Variants in ERI1 observed in about 807,000 individuals in gnomAD.
The protein encoded by ERI1 is exoribonuclease 1, also known as 3'-5' exoribonuclease 1.
Under a neutral mutation model 39.7 loss-of-function variants are expected in ERI1, and 39 were observed. That is an observed-to-expected ratio of 0.98 (90% CI 0.76 to 1.28). The LOEUF is 1.28. ERI1 is among the 50% of genes most tolerant of loss of function. The probability of loss-of-function intolerance (pLI) is 0.00; values close to 1 mark genes in which losing one functional copy is unlikely to be tolerated. For missense variants in ERI1, 581 were observed against 416.9 expected (o/e 1.39, Z -3.43); for synonymous variants, 204 against 149.6 (o/e 1.36, Z -2.65).
intron 5 of ERI1, among the ~76,000 whole-genome samples, chr8:9,018,692 C>G (rs987948070): frequency 6.6e-6 from 1 of 152,184 alleles, no homozygotes; most frequent in Non-Finnish European, 1.5e-5. Flanking sequence ...CAAAAAAGTT[C>G]AGACTCTTGA....
Position 9,024,761 on chromosome 8 carries a change from A to G in ERI1, c.807+4297A>G, listed in dbSNP as rs1159272595. Among the ~76,000 whole-genome samples the G allele has an allele frequency of 1.3e-5, 2 of 152,126 alleles. 1 individual carries two copies. Among genetic ancestry groups the G allele is most frequent in the Non-Finnish European group, 2.9e-5 (2 of 68,018 alleles). On this transcript the variant is annotated intron_variant, in intron 6 of 6. Transcript: ENST00000250263. The stretch of plus-strand genomic sequence containing the variant: ...TTATAGGCCTATGTATATGCATTAC[A>G]ATGCTGTTGTTGAAGTAAAAGGAAA...
At chr8:9,024,560 A>G (rs893396030) in intron 6 of ERI1, among the ~76,000 whole-genome samples, 16 of 152,050 alleles carry the variant, frequency 1.1e-4, no homozygotes, top group African/African-American at 3.9e-4. Flanking sequence ...AGCTGAGATT[A>G]CAGGTGCCTC....
intron 3 of ERI1, among the ~76,000 whole-genome samples, chr8:9,044,836 C>T (rs1287816119): frequency 6.6e-6 from 1 of 152,088 alleles, no homozygotes; most frequent in Non-Finnish European, 1.5e-5. Context: ...TGACTCTCAC[C>T]CTGACCTGCC....
chr8:9,014,792 C>T (rs189427451), intron 3 of ERI1, among the ~76,000 whole-genome samples: 250 of 152,114 alleles, frequency 1.6e-3, no homozygotes, highest in Middle Eastern at 3.4e-3. Flanking sequence ...GCAGTGTATC[C>T]GGTAAGAGTG....
chr8:9,021,310 T>G (rs1817868047), intron 6 of ERI1, among the ~76,000 whole-genome samples: 1 of 152,226 alleles, frequency 6.6e-6, no homozygotes, highest in Non-Finnish European at 1.5e-5. Context: ...CAGACTATCT[T>G]CCTGGAGCCT....
intron 1 of ERI1, among the ~76,000 whole-genome samples, chr8:9,007,223 C>A (rs1316041038): frequency 1.3e-5 from 2 of 152,118 alleles, no homozygotes; most frequent in East Asian, 3.9e-4. Flanking sequence ...GTTAGTGGAC[C>A]TAAGTACAAC....
At chr8:9,016,513 C>A (rs1020835536) in intron 4 of ERI1, 108 bp downstream of exon 4, 1 of 493,100 alleles carries the variant, frequency 2.0e-6, no homozygotes, top group Non-Finnish European at 3.4e-6. Flanking sequence ...CAATTTAATA[C>A]CTTGCTTGGT....
chr8:9,054,731 G>C (rs745604307), intron 3 of ERI1, among the ~76,000 whole-genome samples: 15 of 152,186 alleles, frequency 9.9e-5, no homozygotes, highest in Non-Finnish European at 1.8e-4. Context: ...TTGAGATCAG[G>C]CTGGCCAACA....
At chr8:9,004,660 T>C (rs1263706668) in intron 1 of ERI1, among the ~76,000 whole-genome samples, 1 of 151,234 alleles carries the variant, frequency 6.6e-6, no homozygotes, top group African/African-American at 2.4e-5. Flanking sequence ...TGAGACCCTG[T>C]CTCAAAAAAT....
intron 5 of ERI1, among the ~76,000 whole-genome samples, 178 bp from the exon 6 acceptor site, chr8:9,020,172 G>T (rs1056379202): frequency 6.6e-6 from 1 of 152,078 alleles, no homozygotes; most frequent in African/African-American, 2.4e-5. Flanking sequence ...TCTTTGTTTG[G>T]TTTTTAAAGC....
downstream of ERI1, among the ~76,000 whole-genome samples, chr8:9,035,246 C>T (rs1470332201): frequency 1.3e-5 from 2 of 152,100 alleles, no homozygotes; most frequent in African/African-American, 4.8e-5. Flanking sequence ...GGTGGCCACA[C>T]CATACAACAG....
At chr8:9,086,497 C>G (rs917936672) in intron 3 of ERI1, among the ~76,000 whole-genome samples, 2 of 152,324 alleles carry the variant, frequency 1.3e-5, no homozygotes, top group African/African-American at 4.8e-5. Flanking sequence ...CTGCAGCAAG[C>G]TGAGATCACG....
chr8:9,015,190 A>G (rs1817100891), intron 3 of ERI1, among the ~76,000 whole-genome samples: 1 of 152,184 alleles, frequency 6.6e-6, no homozygotes, highest in Admixed American at 6.5e-5. Context: ...CTTTACAACC[A>G]TTTATAGCTC....
intron 2 of ERI1, among the ~76,000 whole-genome samples, chr8:9,010,302 C>T (rs200462461): frequency 3.9e-5 from 6 of 152,098 alleles, no homozygotes; most frequent in Admixed American, 3.9e-4. Flanking sequence ...ACCTCCCACC[C>T]CACAACAATA....
chr8:9,044,382 G>C (rs1011254562), intron 3 of ERI1, among the ~76,000 whole-genome samples: 1 of 152,128 alleles, frequency 6.6e-6, no homozygotes, highest in Non-Finnish European at 1.5e-5. Context: ...GGAATCAGGA[G>C]GATGTGAGGA....
At chr8:9,043,082 G>C (rs1349148124) in intron 3 of ERI1, among the ~76,000 whole-genome samples, 1 of 152,210 alleles carries the variant, frequency 6.6e-6, no homozygotes, top group African/African-American at 2.4e-5. Flanking sequence ...CATCTCTTTA[G>C]GTTTCTGGCC....
chr8:9,065,276 G>A (rs941439104), intron 3 of ERI1, among the ~76,000 whole-genome samples: 3 of 152,146 alleles, frequency 2.0e-5, no homozygotes, highest in African/African-American at 7.2e-5. Context: ...AGTTGTTTTT[G>A]CTTCTTTCTA....
chr8:9,060,409 C>CG lies in ERI1; in HGVS notation n.299+39950dup, dbSNP rs1798653365. On this transcript the variant is annotated intron_variant and non_coding_transcript_variant, in intron 3 of 3. Transcript: ENST00000518663. The stretch of plus-strand genomic sequence containing the variant: ...CCAATTTGCCAATCCTGGTGGGGGG[C>CG]GGGGGCAAATCTCCAAGCTTGATGT... 2.0e-5 allele frequency among the ~76,000 whole-genome samples: 3 copies of CG among 149,696 alleles called. No homozygotes were observed. The South Asian group carries it at 6.4e-4, about 32-fold the overall frequency.
At chr8:9,095,661 C>T (rs190181875) in intron 3 of ERI1, among the ~76,000 whole-genome samples, 55 of 152,164 alleles carry the variant, frequency 3.6e-4, no homozygotes, top group African/African-American at 1.2e-3. Context: ...GCTGGGACTA[C>T]AGGCACATGC....
Sources: allele counts gnomAD v4.1 joint callset (sites outside exome capture counted in the v4.1 genomes callset), GRCh38; gene constraint gnomAD v4.1.1; transcripts MANE v1.5; gene names NCBI Gene and HGNC (gene_info 2026-07-23, HGNC 2026-07-21).